The following CYREN variants were observed in gnomAD, a reference collection of about 807,000 sequenced individuals.
CYREN encodes the protein cell cycle regulator of non-homologous end joining.
Under a neutral mutation model 9.7 loss-of-function variants are expected in CYREN, and 7 were observed. That is an observed-to-expected ratio of 0.72 (90% confidence interval 0.41 to 1.36). The LOEUF is 1.36. Among genes scored for constraint, CYREN ranks in the 40% most tolerant of loss-of-function variants. The pLI, the probability that CYREN is intolerant of heterozygous loss-of-function variation, is 0.01. For synonymous variants in CYREN, 76 were observed against 77.9 expected, an observed-to-expected ratio of 0.98 and a Z score of 0.13; for missense variants, 215 against 198.1, an observed-to-expected ratio of 1.09 and a Z score of -0.51.
At chr7:135,131,167 G>A (rs1275573667) in intron 2 of CYREN, among the ~76,000 whole-genome samples, 2 of 152,058 alleles carry the variant, frequency 1.3e-5, no homozygotes, top group Non-Finnish European at 2.9e-5. Flanking sequence ...TTCCAGGGAC[G>A]TGGATGAAGC....
chr7:135,093,925 A>C (rs958376902), exon 3 of CYREN: 3 of 158,422 alleles, frequency 1.9e-5, no homozygotes, highest in African/African-American at 7.2e-5. Flanking sequence ...AGGATTGAAA[A>C]TATGTAAATA....
chr7:135,108,816 G>A (rs1239504617), intron 2 of CYREN, among the ~76,000 whole-genome samples: 1 of 152,144 alleles, frequency 6.6e-6, no homozygotes, highest in Non-Finnish European at 1.5e-5. Flanking sequence ...TTTCAGGGAT[G>A]CAAATGATTC....
Position 135,109,321 on chromosome 7 carries a change from G to A in CYREN, n.357-14739C>T, listed in dbSNP as rs189920269. Reference sequence around the variant, plus strand: ...CAGCACGGGTGAGGGCTGCAAGAGAGCAAAGATGACAACCCACCTCTCCCA... The same window carrying A: ...CAGCACGGGTGAGGGCTGCAAGAGAACAAAGATGACAACCCACCTCTCCCA... On this transcript the variant is annotated intron_variant and non_coding_transcript_variant, in intron 2 of 2. Coordinates refer to the CYREN transcript ENST00000459937. Among the ~76,000 whole-genome samples, 145 of 152,334 alleles carry A rather than the reference G, an allele frequency of 9.5e-4. 1 individual carries two copies. In the South Asian group the frequency reaches 0.012, roughly 12 times the overall value.
At chr7:135,112,962 A>C (rs1469622432) in intron 2 of CYREN, among the ~76,000 whole-genome samples, 1 of 152,124 alleles carries the variant, frequency 6.6e-6, no homozygotes, top group Non-Finnish European at 1.5e-5. Flanking sequence ...TTTTTAGTAG[A>C]GACAGGGTTT....
chr7:135,164,194 G>A (rs1213844865), downstream of CYREN, among the ~76,000 whole-genome samples: 2 of 152,246 alleles, frequency 1.3e-5, no homozygotes, highest in Admixed American at 6.5e-5. Context: ...AGCTGCTTGG[G>A]AGAGACTTTT....
At chr7:135,094,354 G>A in exon 3 of CYREN, 1 of 456,572 alleles carries the variant, frequency 2.2e-6, no homozygotes, top group Non-Finnish European at 4.4e-6. Context: ...ACGAATCCAG[G>A]GAGTCACTGC....
intron 2 of CYREN, among the ~76,000 whole-genome samples, chr7:135,140,041 T>A (rs574994561): frequency 1.1e-3 from 171 of 151,962 alleles, no homozygotes; most frequent in Non-Finnish European, 1.9e-3. Flanking sequence ...CTTTGGCAAT[T>A]CAGGCTCTTT....
At chr7:135,107,462 T>C (rs989940601) in intron 2 of CYREN, among the ~76,000 whole-genome samples, 1 of 152,226 alleles carries the variant, frequency 6.6e-6, no homozygotes, top group Non-Finnish European at 1.5e-5. Flanking sequence ...TGCCTTAACT[T>C]CATTATTTAC....
At chr7:135,118,972 A>G (rs550867421) in intron 2 of CYREN, among the ~76,000 whole-genome samples, 2 of 152,304 alleles carry the variant, frequency 1.3e-5, no homozygotes, top group East Asian at 1.9e-4. Flanking sequence ...CCAACTGAAC[A>G]TAAGAGAAAA....
chr7:135,161,454 CCTT>C (rs751606315), downstream of CYREN, among the ~76,000 whole-genome samples: 11 of 152,160 alleles, frequency 7.2e-5, no homozygotes, highest in South Asian at 2.1e-4. This position sits in a 1 kb window ranked among gnomAD's most constrained non-coding sequence, Gnocchi z 4.1. Flanking sequence ...GGAGGTCAAA[CCTT>C]CTTTTCCACA....
intron 2 of CYREN, among the ~76,000 whole-genome samples, chr7:135,123,687 C>T (rs1436720121): frequency 9.9e-5 from 15 of 152,116 alleles, no homozygotes; most frequent in Non-Finnish European, 2.1e-4. Flanking sequence ...AGACTAACAG[C>T]GGCCCTCTCA....
chr7:135,152,317 CA>C (rs1731856613), intron 2 of CYREN, among the ~76,000 whole-genome samples: 1 of 152,224 alleles, frequency 6.6e-6, no homozygotes, highest in South Asian at 2.1e-4. Context: ...GTGATAATAA[CA>C]TCCACACAAG....
downstream of CYREN, chr7:135,164,881 C>A (rs138263623): frequency 1.2e-6 from 2 of 1,614,174 alleles, no homozygotes; most frequent in Non-Finnish European, 1.7e-6. Flanking sequence ...CTCTCCCTCC[C>A]GGGGCCTGGG....
intron 2 of CYREN, among the ~76,000 whole-genome samples, chr7:135,131,033 T>TAACA (rs1828685190): frequency 6.6e-6 from 1 of 152,168 alleles, no homozygotes; most frequent in Non-Finnish European, 1.5e-5. Flanking sequence ...GTTTTAGGTG[T>TAACA]GTGTGTCCAG....
chr7:135,143,598 C>T (rs1347120743), intron 2 of CYREN, among the ~76,000 whole-genome samples: 1 of 152,108 alleles, frequency 6.6e-6, no homozygotes, highest in African/African-American at 2.4e-5. Context: ...ACCTTCCTCT[C>T]AATTTTCCTG....
At chr7:135,134,917 A>G in intron 2 of CYREN, 1 of 1,551,156 alleles carries the variant, frequency 6.4e-7, no homozygotes, top group Non-Finnish European at 8.7e-7. Flanking sequence ...CCCTTTTGTA[A>G]TCCAAGGGGA....
chr7:135,109,147 T>C (rs1825223656), intron 2 of CYREN, among the ~76,000 whole-genome samples: 1 of 152,238 alleles, frequency 6.6e-6, no homozygotes. Flanking sequence ...TGAATTTTGA[T>C]GATCTTTCCT....
intron 2 of CYREN, among the ~76,000 whole-genome samples, chr7:135,096,561 AT>A (rs58270134): frequency 0.37 from 32,263 of 86,662 alleles, 4,979 homozygotes; most frequent in South Asian, 0.55. Context: ...AGAAAGAAAG[AT>A]AGATAGATAG....
chr7:135,163,762 G>C (rs1425860649), downstream of CYREN, among the ~76,000 whole-genome samples: 1 of 152,248 alleles, frequency 6.6e-6, no homozygotes, highest in Non-Finnish European at 1.5e-5. Context: ...TCATCACCAG[G>C]TGACATCTTG....
Sources: allele counts gnomAD v4.1 joint callset (sites outside exome capture counted in the v4.1 genomes callset), GRCh38; gene constraint gnomAD v4.1.1; non-coding constraint Gnocchi (gnomAD v3.1); transcripts MANE v1.5; gene names NCBI Gene and HGNC (gene_info 2026-07-23, HGNC 2026-07-21).